Variants in KIAA1143 observed in about 807,000 individuals in gnomAD.
KIAA1143 encodes the protein KIAA1143, also known as uncharacterized protein KIAA1143.
KIAA1143 carries 8 observed loss-of-function variants against 17.0 expected under a neutral mutation model. The observed-to-expected ratio is 0.47, with a 90% confidence interval of 0.28 to 0.85. The LOEUF is 0.85. Ranked by LOEUF, KIAA1143 falls within the 40% of genes least tolerant of loss-of-function variation. KIAA1143 has a pLI of 0.12. For synonymous variants in KIAA1143, 64 were observed against 67.8 expected (o/e 0.94, Z 0.27); for missense variants, 162 against 183.3 (o/e 0.88, Z 0.67).
intron 1 of KIAA1143, among the ~76,000 whole-genome samples, chr3:44,756,470 G>A (rs1435674895): frequency 6.6e-6 from 1 of 152,188 alleles, no homozygotes; most frequent in East Asian, 1.9e-4. Context: ...GGCTGAGGCA[G>A]GAGAATTGCT....
At chr3:44,758,775 G>A (rs1389521180) in intron 1 of KIAA1143, among the ~76,000 whole-genome samples, 1 of 151,990 alleles carries the variant, frequency 6.6e-6, no homozygotes, top group Non-Finnish European at 1.5e-5. Context: ...GAATGGTGAA[G>A]CCTTTCCATA....
In KIAA1143 at chr3:44,753,422, C is replaced by T. The variant is rs769691107; in HGVS notation, c.384G>A (p.Gln128=). Residue 128 remains glutamine, a synonymous_variant, in exon 3 of 3, where the codon CAG becomes CAA. Coordinates refer to ENST00000296121, the MANE Select transcript of KIAA1143 (RefSeq NM_020696.4). ...KKKPNEDEVN[Q]DSVKKNSQKQ... The stretch of plus-strand genomic sequence containing the variant: ...TTTGTGAGTTCTTTTTGACCGAGTC[C>T]TGATTTACTTCATCTTCATTTGGCT... 3.1e-6 allele frequency: 5 copies of T among 1,595,748 alleles called. No homozygotes were observed. The highest frequency in any genetic ancestry group is 3.4e-6 in the Non-Finnish European group (4 of 1,163,810).
chr3:44,749,761 A>C lies in KIAA1143; in HGVS notation c.*3580T>G, dbSNP rs1704868949. 1 of 152,206 alleles carries C rather than the reference A, an allele frequency of 6.6e-6. No individual in the cohort carries two copies. Among genetic ancestry groups the C allele is most frequent in the Admixed American group, 6.5e-5 (1 of 15,284 alleles). 9.4% of individuals were successfully genotyped at this position (152,206 alleles called of 1,614,324 possible). Reference sequence around the variant, plus strand: ...ATGTGAATAAACAAAAACAAAGAGAATATGGGTAATTCTTTTTTTAAAATT... The same window carrying C: ...ATGTGAATAAACAAAAACAAAGAGACTATGGGTAATTCTTTTTTTAAAATT... On this transcript the variant is annotated 3_prime_UTR_variant, in exon 3 of 3. Transcript: ENST00000296121.
intron 1 of KIAA1143, 42 bp downstream of exon 1, chr3:44,761,453 G>A: frequency 6.7e-7 from 1 of 1,493,462 alleles, no homozygotes; most frequent in Non-Finnish European, 9.2e-7. Flanking sequence ...AAAGTGGCGG[G>A]CTGGCTGCGC....
rs550311017 is a variant in KIAA1143, at chr3:44,754,929, G to A, written c.109-561C>T. On this transcript the variant is annotated intron_variant, in intron 1 of 2. Coordinates refer to ENST00000296121, the MANE Select transcript of KIAA1143 (RefSeq NM_020696.4). ...TACCAACAACACTGTACTTATTCCT[G>A]TGACTTGCTTTTTCCCTATTTATGA... 1.7e-4 allele frequency among the ~76,000 whole-genome samples: 26 copies of A among 152,180 alleles called. 1 individual carries two copies. In the South Asian group the frequency reaches 5.4e-3, roughly 32 times the overall value.
intron 1 of KIAA1143, among the ~76,000 whole-genome samples, chr3:44,759,480 AC>A (rs1705026496): frequency 6.6e-6 from 1 of 152,084 alleles, no homozygotes; most frequent in African/African-American, 2.4e-5. Context: ...ATTCTTACGG[AC>A]CCTAGGATTT....
At chr3:44,761,168 C>T (rs989111255) in intron 1 of KIAA1143, among the ~76,000 whole-genome samples, 1 of 152,136 alleles carries the variant, frequency 6.6e-6, no homozygotes, top group African/African-American at 2.4e-5. Flanking sequence ...CTAACTCACC[C>T]TGCGAACTCA....
chr3:44,761,377 T>G (rs1441985842), intron 1 of KIAA1143, 118 bp downstream of exon 1: 3 of 705,680 alleles, frequency 4.3e-6, no homozygotes, highest in Non-Finnish European at 7.2e-6. Context: ...CCACCGGAAT[T>G]GGGTTCGAGC....
At chr3:44,756,893 G>A (rs1704981080) in intron 1 of KIAA1143, among the ~76,000 whole-genome samples, 1 of 152,142 alleles carries the variant, frequency 6.6e-6, no homozygotes, top group East Asian at 1.9e-4. Flanking sequence ...AGGTATATAT[G>A]TATGGGAAAA....
Position 44,752,647 on chromosome 3 carries a change from G to T in KIAA1143, c.*694C>A, listed in dbSNP as rs1704906646. The T allele has an allele frequency of 6.6e-6, 1 of 151,900 alleles. No individual in the cohort carries two copies. The highest frequency in any genetic ancestry group is 6.6e-5 in the Admixed American group (1 of 15,226). The allele number at this position is 151,900 out of a possible 1,614,324, so 9.4% of individuals were successfully genotyped here. On this transcript the variant is annotated 3_prime_UTR_variant, in exon 3 of 3. Coordinates refer to ENST00000296121, the MANE Select transcript of KIAA1143 (RefSeq NM_020696.4). ...CTAACATGACCCAAAGCACATGGCT[G>T]CCTTCCTTATGCCTAAAAGTGGCTC...
chr3:44,754,126 T>G, intron 2 of KIAA1143, 98 bp downstream of exon 2: 1 of 1,264,856 alleles, frequency 7.9e-7, no homozygotes, highest in Non-Finnish European at 1.1e-6. Context: ...AACCCGGAAC[T>G]GCCACCTTGA....
chr3:44,760,686 CTTT>C (rs543256879), intron 1 of KIAA1143, among the ~76,000 whole-genome samples: 8 of 139,160 alleles, frequency 5.7e-5, no homozygotes, highest in Admixed American at 2.9e-4. Flanking sequence ...CCAGGCCCGG[CTTT>C]TTTTTTTTTT....
chr3:44,758,526 T>A (rs1705010469), intron 1 of KIAA1143, among the ~76,000 whole-genome samples: 2 of 152,220 alleles, frequency 1.3e-5, no homozygotes, highest in Admixed American at 1.3e-4. Flanking sequence ...TGCTCATCAA[T>A]AAGAAGCAAC....
chr3:44,761,207 A>G (rs1705106686), intron 1 of KIAA1143, among the ~76,000 whole-genome samples: 1 of 152,140 alleles, frequency 6.6e-6, no homozygotes, highest in Non-Finnish European at 1.5e-5. Context: ...AGTGAGAAAG[A>G]AGAGACAATA....
intron 1 of KIAA1143, among the ~76,000 whole-genome samples, chr3:44,757,876 A>G (rs1347316973): frequency 6.6e-6 from 1 of 152,214 alleles, no homozygotes; most frequent in East Asian, 1.9e-4. Context: ...CCTTGAAGAT[A>G]CCGCAGATTT....
chr3:44,760,155 G>A lies in KIAA1143; in HGVS notation c.108+1340C>T, dbSNP rs186019447. On this transcript the variant is annotated intron_variant, in intron 1 of 2. Coordinates refer to ENST00000296121, the MANE Select transcript of KIAA1143 (RefSeq NM_020696.4). The stretch of plus-strand genomic sequence containing the variant: ...CAGACTTCACAGGATTTAAGAGTTA[G>A]GGCCTTGCTCTAGATTAGGCTTTGG... Among the ~76,000 whole-genome samples, 438 of 152,286 alleles carry A rather than the reference G, an allele frequency of 2.9e-3. 1 individual carries two copies. Among genetic ancestry groups the A allele is most frequent in the Middle Eastern group, 0.014 (4 of 294 alleles).
chr3:44,753,059 A>C lies in KIAA1143; in HGVS notation c.*282T>G. 2 of 233,028 alleles carry C rather than the reference A, an allele frequency of 8.6e-6. No homozygotes were observed. The highest frequency in any genetic ancestry group is 1.7e-5 in the Non-Finnish European group (2 of 120,628). The allele number at this position is 233,028 out of a possible 1,614,324, so 14.4% of individuals were successfully genotyped here. ...TTTGCAATACAGTTGTATTTATAAA[A>C]TTTTGTTTACACACAAAAAATGTAT... On this transcript the variant is annotated 3_prime_UTR_variant, in exon 3 of 3. Coordinates refer to ENST00000296121, the MANE Select transcript of KIAA1143 (RefSeq NM_020696.4).
At chr3:44,756,478 G>A (rs1704975778) in intron 1 of KIAA1143, among the ~76,000 whole-genome samples, 1 of 152,172 alleles carries the variant, frequency 6.6e-6, no homozygotes. Context: ...CAGGAGAATT[G>A]CTTGAACCCA....
At chr3:44,757,215 C>A (rs534954343) in intron 1 of KIAA1143, among the ~76,000 whole-genome samples, 15 of 152,316 alleles carry the variant, frequency 9.8e-5, no homozygotes, top group African/African-American at 3.6e-4. Context: ...ATCGCTCAAT[C>A]TATGTCCCTT....
Sources: gnomAD v4.1 joint callset for allele counts (sites outside exome capture counted in the v4.1 genomes callset) on GRCh38, gnomAD v4.1.1 for gene constraint, MANE v1.5 for transcripts, NCBI Gene and HGNC (gene_info 2026-07-23, HGNC 2026-07-21) for gene names.